Variants in PKHD1L1 observed in about 807,000 individuals in gnomAD.
PKHD1L1 encodes the protein PKHD1 like 1.
PKHD1L1 carries 434 observed loss-of-function variants against 462.9 expected under a neutral mutation model. The observed-to-expected ratio is 0.94, with a 90% CI of 0.87 to 1.02. The LOEUF (loss-of-function observed/expected upper bound fraction) is 1.02. Among genes scored for constraint, PKHD1L1 ranks in the 50% least tolerant of loss-of-function variants. The pLI is 0.00. For missense variants in PKHD1L1, 5,202 were observed against 5,096.1 expected (o/e 1.02, Z -0.63); for synonymous variants, 1,781 against 1,750.0 (o/e 1.02, Z -0.44).
rs1816254172 is a variant in PKHD1L1, at chr8:109,448,087, T to C, written c.5777-56T>C. On this transcript the variant is annotated intron_variant, in intron 38 of 77. Transcript: ENST00000378402. ...AAAAGTAAAGAGGTATATCTTTAAA[T>C]GGATGTGTATTAATAGTTAGATATA... is the stretch of plus-strand genomic sequence containing the variant. 3 of 1,429,632 alleles carry C rather than the reference T, an allele frequency of 2.1e-6. No individual in the cohort carries two copies. In the Admixed American group the frequency reaches 7.4e-5, roughly 35 times the overall value. 88.6% of individuals were successfully genotyped at this position (1,429,632 alleles called of 1,614,324 possible).
intron 17 of PKHD1L1, among the ~76,000 whole-genome samples, chr8:109,407,208 T>G (rs1333591734): frequency 6.6e-6 from 1 of 152,188 alleles, no homozygotes; most frequent in Non-Finnish European, 1.5e-5. Flanking sequence ...AAATGTTACT[T>G]CAATATTTAT....
At chr8:109,376,036 A>G (rs543678071) in intron 2 of PKHD1L1, among the ~76,000 whole-genome samples, 2 of 152,352 alleles carry the variant, frequency 1.3e-5, no homozygotes, top group African/African-American at 2.4e-5. Context: ...GCTGTCAGAC[A>G]GGGACATTTA....
intron 26 of PKHD1L1, 128 bp from the exon 27 acceptor site, chr8:109,429,803 CA>C: frequency 2.8e-6 from 2 of 705,994 alleles, no homozygotes; most frequent in Non-Finnish European, 4.8e-6. Context: ...TATCAAAGTA[CA>C]AAAAATATAG....
chr8:109,490,012 G>A lies in PKHD1L1; in HGVS notation c.9941G>A (p.Ser3314Asn), dbSNP rs572424037. The A allele has an allele frequency of 1.3e-5, 21 of 1,609,342 alleles. No homozygotes were observed. The African/African-American group carries it at 2.3e-4, about 17-fold the overall frequency. Residue 3314 changes from serine to asparagine, a missense_variant, in exon 60 of 78, where the codon AGC becomes AAC. By Grantham distance (46) the Ser-to-Asn change is conservative. This residue lies in a region of PKHD1L1 where 4,497 missense variants were observed against 4,336.8 expected (regional missense o/e 1.04). Transcript: ENST00000378402. The part of the protein sequence containing the change: ...YHSGQEGFRD[S>N]TDPRYAVTFL... ...AGTGGTCAAGAAGGCTTCAGGGATA[G>A]CACAGATCCAAGATATGCTGTAACG...
chr8:109,412,280 G>A lies in PKHD1L1; in HGVS notation c.2101G>A (p.Gly701Arg). 1 of 1,613,480 alleles carries A rather than the reference G, an allele frequency of 6.2e-7. No homozygotes were observed. Among genetic ancestry groups the A allele is most frequent in the South Asian group, 1.1e-5 (1 of 91,040 alleles). ...TDFNLEHINR[G>R]QKTAETDAYC... ...GTTTCGGTAGGAACATATTAACAGAGGGCAGAAGACAGCTGAAACCGATGC... is the reference window on the plus strand; with the variant it reads ...GTTTCGGTAGGAACATATTAACAGAAGGCAGAAGACAGCTGAAACCGATGC... The change falls in exon 20 of 78, where the codon GGG becomes AGG. Residue 701 changes from glycine (G) to arginine (R), a missense_variant. Physicochemically the swap from Gly to Arg is moderately radical, Grantham distance 125. This residue lies in a region of PKHD1L1 where 4,497 missense variants were observed against 4,336.8 expected (regional missense o/e 1.04). Transcript: ENST00000378402.
chr8:109,433,421 T>C (rs925607633), intron 28 of PKHD1L1, among the ~76,000 whole-genome samples: 1 of 152,252 alleles, frequency 6.6e-6, no homozygotes, highest in African/African-American at 2.4e-5. Context: ...ATTTCATTGT[T>C]GTACGGTGTC....
chr8:109,397,340 C>CT (rs1216041133), intron 11 of PKHD1L1, among the ~76,000 whole-genome samples: 1 of 152,040 alleles, frequency 6.6e-6, no homozygotes, highest in African/African-American at 2.4e-5. Context: ...TTCCTATTTC[C>CT]TTTTTTCTGG....
chr8:109,498,612 G>A (rs1819243640), intron 66 of PKHD1L1, 39 bp downstream of exon 66: 2 of 1,608,866 alleles, frequency 1.2e-6, no homozygotes, highest in South Asian at 1.1e-5. Context: ...GTTCATATGA[G>A]TGCATATTCA....
At chr8:109,377,314 A>C (rs1563718039) in intron 2 of PKHD1L1, among the ~76,000 whole-genome samples, 2 of 152,226 alleles carry the variant, frequency 1.3e-5, no homozygotes, top group Non-Finnish European at 2.9e-5. Flanking sequence ...TATTATATAC[A>C]ACATTTAAAG....
chr8:109,501,766 G>T (rs907952593), intron 67 of PKHD1L1, among the ~76,000 whole-genome samples: 2 of 152,162 alleles, frequency 1.3e-5, no homozygotes, highest in Admixed American at 6.5e-5. Context: ...ACTGATATTT[G>T]TTGGACAAAT....
intron 50 of PKHD1L1, chr8:109,471,115 TA>T: frequency 6.7e-7 from 1 of 1,493,134 alleles, no homozygotes; most frequent in Non-Finnish European, 9.3e-7. Context: ...ACATCTAAAC[TA>T]AAACACTCAG....
intron 14 of PKHD1L1, 40 bp downstream of exon 14, chr8:109,401,628 T>C (rs1338346418): frequency 9.3e-7 from 1 of 1,071,660 alleles, no homozygotes; most frequent in Admixed American, 2.1e-5. Flanking sequence ...GTGTGGTATT[T>C]ATAAGCTTTA....
rs775324721 is a variant in PKHD1L1 at position 109,522,900 on chromosome 8, A to G, written c.12330+10A>G. On this transcript the variant is annotated intron_variant, in intron 75 of 77. Coordinates refer to ENST00000378402, the MANE Select transcript of PKHD1L1 (RefSeq NM_177531.6). ...GGCAACAGATTCTGACGTAAGTCAT[A>G]ACTCAAAATTTTACTTAAGTGAAGG... The G allele has an allele frequency of 8.2e-6, 13 of 1,586,186 alleles. No individual in the cohort carries two copies.
intron 23 of PKHD1L1, among the ~76,000 whole-genome samples, chr8:109,422,393 T>C (rs188150822): frequency 3.3e-5 from 5 of 152,288 alleles, no homozygotes; most frequent in Admixed American, 2.0e-4. Context: ...CACTTATATA[T>C]GGCAACCACA....
chr8:109,521,782 G>T (rs1417429028), intron 73 of PKHD1L1, among the ~76,000 whole-genome samples: 1 of 152,074 alleles, frequency 6.6e-6, no homozygotes, highest in East Asian at 1.9e-4. Context: ...TAATATGATC[G>T]ATTCTAACAA....
In PKHD1L1 at chr8:109,518,191, C is replaced by A; in HGVS notation, c.11714C>A (p.Ser3905Tyr). 6.2e-7 allele frequency: 1 copy of A among 1,600,600 alleles called. No homozygotes were observed. The highest frequency in any genetic ancestry group is 8.6e-7 in the Non-Finnish European group (1 of 1,169,200). The stretch of plus-strand genomic sequence containing the variant: ...GACCAATTCCTTCCTAACCTGGATT[C>A]CACTGTCCTTGGTGAAAACTACTTT... ...YKDQFLPNLD[S>Y]TVLGENYFDG... The change falls in exon 73 of 78, where the codon TCC becomes TAC. Residue 3905 changes from serine to tyrosine, a missense_variant. Ser to Tyr is a moderately radical substitution (Grantham distance 144). This residue lies in a region of PKHD1L1 where 698 missense variants were observed against 736.3 expected (regional missense o/e 0.95). Transcript: ENST00000378402.
intron 17 of PKHD1L1, among the ~76,000 whole-genome samples, chr8:109,407,278 A>C (rs186551114): frequency 6.6e-6 from 1 of 152,308 alleles, no homozygotes; most frequent in Admixed American, 6.5e-5. Flanking sequence ...ATTTGATTTT[A>C]CATGAATTTA....
intron 57 of PKHD1L1, among the ~76,000 whole-genome samples, chr8:109,483,717 AC>A (rs1818387897): frequency 6.6e-6 from 1 of 151,192 alleles, no homozygotes; most frequent in African/African-American, 2.4e-5. Flanking sequence ...TTCTTGCAAA[AC>A]AGAAAATTGA....
intron 2 of PKHD1L1, among the ~76,000 whole-genome samples, chr8:109,366,691 ATTTT>A (rs373076991): frequency 2.9e-5 from 4 of 137,666 alleles, no homozygotes; most frequent in Admixed American, 7.4e-5. Flanking sequence ...TGTGGTTATG[ATTTT>A]TTTTTTTTTT....
Sources: gnomAD v4.1 joint callset for allele counts (sites outside exome capture counted in the v4.1 genomes callset) on GRCh38, gnomAD v4.1.1 for gene constraint, gnomAD v4.1.1 regional missense constraint, MANE v1.5 for transcripts, NCBI Gene and HGNC (gene_info 2026-07-23, HGNC 2026-07-21) for gene names.